The following TBC1D32 variants were observed in gnomAD, a reference collection of about 807,000 sequenced individuals.
TBC1D32 encodes the protein TBC1 domain family member 32.
In TBC1D32, 151 loss-of-function variants were observed where a neutral mutation model predicts 170.3. The ratio of observed to expected loss-of-function variants is 0.89; its 90% CI spans 0.78 to 1.01. The LOEUF (loss-of-function observed/expected upper bound fraction) is 1.01. Among genes scored for constraint, TBC1D32 ranks in the 50% least tolerant of loss-of-function variants. The pLI is 0.00. For missense variants in TBC1D32, 1,464 were observed against 1,457.1 expected, an observed-to-expected ratio of 1.00 and a Z score of -0.08; for synonymous variants, 498 against 488.0, an observed-to-expected ratio of 1.02 and a Z score of -0.27.
chr6:121,309,793 G>C (rs954712165), intron 4 of TBC1D32, among the ~76,000 whole-genome samples: 6 of 152,042 alleles, frequency 3.9e-5, no homozygotes, highest in African/African-American at 1.4e-4. Context: ...CAGCACTTTG[G>C]GAGGCCAAGG....
At chr6:121,137,298 T>C (rs865891404) in intron 24 of TBC1D32, among the ~76,000 whole-genome samples, 1 of 152,060 alleles carries the variant, frequency 6.6e-6, no homozygotes, top group Non-Finnish European at 1.5e-5. Context: ...TAATAAATGA[T>C]GTCTCAGTAT....
intron 12 of TBC1D32, among the ~76,000 whole-genome samples, chr6:121,287,898 G>T (rs969384887): frequency 6.6e-6 from 1 of 152,144 alleles, no homozygotes; most frequent in Admixed American, 6.5e-5. Context: ...GCTCCTGAAC[G>T]ACTACTGGGT....
In TBC1D32 at chr6:121,317,680, T is replaced by G. The variant is rs1209202985; in HGVS notation, c.318-8A>C. 6.4e-7 allele frequency: 1 copy of G among 1,566,524 alleles called. No individual in the cohort carries two copies. Among genetic ancestry groups the G allele is most frequent in the East Asian group, 2.3e-5 (1 of 43,046 alleles). ...TGCATCATTTCTTTGTACCTTTAAA[T>G]TCAAGGTAGTCTTAATAAGAGAAAG... On this transcript the variant is annotated splice_polypyrimidine_tract_variant and splice_region_variant and intron_variant, in intron 2 of 31. Transcript: ENST00000398212.
At chr6:121,208,721 A>C (rs1418677860) in intron 21 of TBC1D32, among the ~76,000 whole-genome samples, 1 of 80,976 alleles carries the variant, frequency 1.2e-5, no homozygotes, top group Non-Finnish European at 2.8e-5. Context: ...CAAGACACGA[A>C]ACACCTGGAA....
chr6:121,125,259 G>C (rs960546961), intron 26 of TBC1D32, among the ~76,000 whole-genome samples: 2 of 152,122 alleles, frequency 1.3e-5, no homozygotes, highest in South Asian at 2.1e-4. Context: ...GCCCAGGCTT[G>C]CTGCATGTTT....
chr6:121,230,728 TATTTA>T (rs765612274), intron 20 of TBC1D32, among the ~76,000 whole-genome samples: 8 of 151,936 alleles, frequency 5.3e-5, no homozygotes, highest in Non-Finnish European at 1.2e-4. Context: ...TGTTTTTAGT[TATTTA>T]ATTTATTTTT....
At chr6:121,094,254 G>T in intron 30 of TBC1D32, among the ~76,000 whole-genome samples, 1 of 151,684 alleles carries the variant, frequency 6.6e-6, no homozygotes, top group Non-Finnish European at 1.5e-5. Flanking sequence ...TGCAACCTCT[G>T]CCTCCTGAGT....
At chr6:121,161,800 C>G (rs965297769) in intron 22 of TBC1D32, among the ~76,000 whole-genome samples, 1 of 152,204 alleles carries the variant, frequency 6.6e-6, no homozygotes, top group African/African-American at 2.4e-5. Flanking sequence ...ACACTCCCAA[C>G]AGTGTAAAAG....
rs1563324046 is a variant in TBC1D32, at chr6:121,304,575, G to A, written c.820C>T (p.Leu274Phe). Residue 274 changes from leucine (L) to phenylalanine (F), a missense_variant, in exon 7 of 32, where the codon CTT (leucine) becomes TTT (phenylalanine). Around this residue, in one of 3 missense-constraint regions of TBC1D32, gnomAD observed 1,363 missense variants for 1,338.1 expected, o/e 1.02. Transcript: ENST00000398212. ...FLSRENHIPTLSAGVDITNPN... is the reference protein window; with the variant it reads ...FLSRENHIPTFSAGVDITNPN... Reference sequence around the variant, plus strand: ...TTAGTTATATCTACACCAGCTGAAAGAGTAGGAATATGATTTTCCCTAGAA... The same window carrying A: ...TTAGTTATATCTACACCAGCTGAAAAAGTAGGAATATGATTTTCCCTAGAA... 1.9e-6 allele frequency: 3 copies of A among 1,612,078 alleles called. No homozygotes were observed. The highest frequency in any genetic ancestry group is 2.5e-6 in the Non-Finnish European group (3 of 1,178,946).
intron 22 of TBC1D32, chr6:121,170,476 A>G (rs55813785): frequency 0.029 from 47,005 of 1,607,648 alleles, 795 homozygotes; most frequent in Non-Finnish European, 0.034. Context: ...CCTGATACTG[A>G]GCCTCTAACA....
At chr6:121,253,888 TCTCA>T (rs990251673) in intron 17 of TBC1D32, among the ~76,000 whole-genome samples, 1 of 152,106 alleles carries the variant, frequency 6.6e-6, no homozygotes. Context: ...CTACTGGGTA[TCTCA>T]CTCAAAGGAA....
intron 21 of TBC1D32, among the ~76,000 whole-genome samples, chr6:121,207,323 G>A (rs1792406046): frequency 6.6e-6 from 1 of 152,096 alleles, no homozygotes; most frequent in Admixed American, 6.5e-5. Flanking sequence ...ATAATGCAGA[G>A]CTCAAACTAT....
chr6:121,104,138 A>C (rs532783650), intron 30 of TBC1D32, among the ~76,000 whole-genome samples: 1 of 151,842 alleles, frequency 6.6e-6, no homozygotes, highest in Non-Finnish European at 1.5e-5. Context: ...AATAAATATG[A>C]AAGCTCATAT....
intron 15 of TBC1D32, among the ~76,000 whole-genome samples, chr6:121,256,719 C>T (rs1233783760): frequency 6.6e-6 from 1 of 151,486 alleles, no homozygotes; most frequent in Non-Finnish European, 1.5e-5. Context: ...CTCTGTCAAC[C>T]AGACTGGAGT....
At chr6:121,241,248 G>GTA (rs1285244098) in intron 19 of TBC1D32, among the ~76,000 whole-genome samples, 2 of 152,068 alleles carry the variant, frequency 1.3e-5, no homozygotes, top group Non-Finnish European at 2.9e-5. Context: ...GAACAAGGTT[G>GTA]TATATATATC....
intron 24 of TBC1D32, among the ~76,000 whole-genome samples, chr6:121,157,024 A>C (rs566689643): frequency 6.6e-6 from 1 of 152,126 alleles, no homozygotes; most frequent in Non-Finnish European, 1.5e-5. Context: ...TATTAGGTCT[A>C]CTTCACCAAG....
chr6:121,100,578 T>C (rs964795707), intron 30 of TBC1D32, among the ~76,000 whole-genome samples: 14 of 152,042 alleles, frequency 9.2e-5, no homozygotes, highest in Non-Finnish European at 1.5e-4. Context: ...CTGGGACACA[T>C]TTAAAGCAGT....
chr6:121,233,361 T>C (rs1030984590), intron 20 of TBC1D32, among the ~76,000 whole-genome samples: 12 of 152,256 alleles, frequency 7.9e-5, no homozygotes, highest in African/African-American at 2.9e-4. Flanking sequence ...TTAGGTCTAC[T>C]AGTAATTGCT....
At chr6:121,198,181 C>A (rs1791012497) in intron 22 of TBC1D32, among the ~76,000 whole-genome samples, 1 of 133,804 alleles carries the variant, frequency 7.5e-6, no homozygotes, top group Admixed American at 8.8e-5. Context: ...ACACATATCC[C>A]TTTGTGTATA....
Sources: allele counts gnomAD v4.1 joint callset (sites outside exome capture counted in the v4.1 genomes callset), GRCh38; gene constraint gnomAD v4.1.1; regional missense constraint gnomAD v4.1.1; transcripts MANE v1.5; gene names NCBI Gene and HGNC (gene_info 2026-07-23, HGNC 2026-07-21).